TANC2: variants seen among roughly 807,000 people sequenced by gnomAD.
The protein encoded by TANC2 is tetratricopeptide repeat, ankyrin repeat and coiled-coil containing 2, also known as protein TANC2.
Under a neutral mutation model 210.5 loss-of-function variants are expected in TANC2, and 26 were observed. That is an observed-to-expected ratio of 0.12 (90% confidence interval 0.09 to 0.17). The LOEUF (loss-of-function observed/expected upper bound fraction) is 0.17. TANC2 is among the 10% of genes least tolerant of loss of function. The pLI is 1.00. For synonymous variants in TANC2, 931 were observed against 967.1 expected, an observed-to-expected ratio of 0.96 and a Z score of 0.69; for missense variants, 2,129 against 2,608.9, an observed-to-expected ratio of 0.82 and a Z score of 4.01.
chr17:63,075,235 T>C (rs1031025749), intron 3 of TANC2, among the ~76,000 whole-genome samples: 5 of 152,198 alleles, frequency 3.3e-5, no homozygotes, highest in African/African-American at 1.2e-4. Flanking sequence ...ATTGTAATTA[T>C]TAAATGTCAA....
intron 2 of TANC2, among the ~76,000 whole-genome samples, chr17:63,012,890 A>G (rs2033936087): frequency 6.6e-6 from 1 of 152,064 alleles, no homozygotes. Context: ...CCTAGCCTCA[A>G]GTGATCTTCC....
chr17:63,002,061 G>C (rs2033411621), intron 1 of TANC2, among the ~76,000 whole-genome samples: 1 of 152,156 alleles, frequency 6.6e-6, no homozygotes, highest in Admixed American at 6.5e-5. Context: ...AGGTATATAA[G>C]ATGTCTTTTG....
intron 9 of TANC2, among the ~76,000 whole-genome samples, chr17:63,309,720 G>A (rs940330636): frequency 1.6e-4 from 25 of 151,964 alleles, no homozygotes; most frequent in Admixed American, 1.3e-4. Flanking sequence ...AACTAATTCC[G>A]GAAATTATTT....
intron 18 of TANC2, among the ~76,000 whole-genome samples, chr17:63,398,484 C>T (rs1281103586): frequency 6.6e-6 from 1 of 151,386 alleles, no homozygotes; most frequent in Non-Finnish European, 1.5e-5. Context: ...GAAAAACAGG[C>T]CCTCAGTTTT....
At chr17:63,105,602 A>C (rs1449642212) in intron 4 of TANC2, among the ~76,000 whole-genome samples, 2 of 151,796 alleles carry the variant, frequency 1.3e-5, no homozygotes, top group African/African-American at 4.9e-5. Flanking sequence ...AAGATTAAAT[A>C]AGATTTCTTA....
intron 2 of TANC2, among the ~76,000 whole-genome samples, chr17:63,043,880 A>G (rs1016976640): frequency 2.0e-5 from 3 of 152,142 alleles, no homozygotes; most frequent in African/African-American, 7.2e-5. Flanking sequence ...GGAAAAATAT[A>G]TTAAGTTTTC....
At chr17:63,142,806 C>A (rs1040115525) in intron 4 of TANC2, among the ~76,000 whole-genome samples, 2 of 152,096 alleles carry the variant, frequency 1.3e-5, no homozygotes, top group Non-Finnish European at 2.9e-5. Context: ...TTCTTAAAAT[C>A]ACCTTATAAT....
At chr17:63,422,405 TCACC>T (rs1194231845) in exon 28 of TANC2, 1 of 174,562 alleles carries the variant, frequency 5.7e-6, no homozygotes, top group Non-Finnish European at 1.2e-5. Flanking sequence ...TTAGCCAGTG[TCACC>T]CACACAGCCA....
At chr17:63,073,213 TATTA>T (rs752230563) in intron 2 of TANC2, among the ~76,000 whole-genome samples, 41 of 152,088 alleles carry the variant, frequency 2.7e-4, no homozygotes, top group African/African-American at 8.0e-4. Context: ...ATTCTTAATA[TATTA>T]ATTTCTGTTT....
At chr17:63,103,475 A>T (rs183823563) in intron 4 of TANC2, among the ~76,000 whole-genome samples, 1 of 152,282 alleles carries the variant, frequency 6.6e-6, no homozygotes, top group African/African-American at 2.4e-5. Flanking sequence ...TGTTCAAGAG[A>T]GACATAGACT....
intron 15 of TANC2, among the ~76,000 whole-genome samples, chr17:63,380,343 T>A (rs1353267754): frequency 6.6e-6 from 1 of 152,218 alleles, no homozygotes; most frequent in Non-Finnish European, 1.5e-5. Context: ...TTAAGAACTC[T>A]ATAACATCAG....
chr17:63,426,581 AGT>A (rs1358452181), exon 28 of TANC2: 1 of 152,226 alleles, frequency 6.6e-6, no homozygotes, highest in African/African-American at 2.4e-5. Flanking sequence ...TGGTGGCCAC[AGT>A]CAGAGCTTTG....
chr17:63,023,834 G>A (rs2034445389), intron 2 of TANC2, among the ~76,000 whole-genome samples: 1 of 152,176 alleles, frequency 6.6e-6, no homozygotes, highest in Non-Finnish European at 1.5e-5. Context: ...ACTGGAGAGT[G>A]AACTAAGTGC....
chr17:63,336,138 T>C (rs1403868411), intron 11 of TANC2, among the ~76,000 whole-genome samples: 1 of 152,092 alleles, frequency 6.6e-6, no homozygotes, highest in Non-Finnish European at 1.5e-5. Flanking sequence ...CCCAAAAATA[T>C]TAAAAATCAA....
chr17:62,983,138 G>A (rs959138609), intron 1 of TANC2, among the ~76,000 whole-genome samples: 3 of 151,902 alleles, frequency 2.0e-5, no homozygotes, highest in African/African-American at 4.8e-5. Context: ...TCAGTATTTC[G>A]TAGTTTTTCT....
intron 7 of TANC2, among the ~76,000 whole-genome samples, chr17:63,237,414 A>G (rs569359971): frequency 2.0e-5 from 3 of 152,216 alleles, no homozygotes; most frequent in African/African-American, 7.2e-5. Context: ...CCCATTCTGC[A>G]GGTTCTTTTC....
At chr17:63,340,543 A>T (rs1332141633) in intron 12 of TANC2, among the ~76,000 whole-genome samples, 1 of 152,082 alleles carries the variant, frequency 6.6e-6, no homozygotes, top group African/African-American at 2.4e-5. Flanking sequence ...CTTTATAAAA[A>T]TTCTTATTCT....
intron 5 of TANC2, among the ~76,000 whole-genome samples, chr17:63,166,688 G>T (rs2145529191): frequency 6.6e-6 from 1 of 152,324 alleles, no homozygotes; most frequent in East Asian, 1.9e-4. Context: ...TAATGGAGAA[G>T]AACCCTGTAA....
intron 4 of TANC2, chr17:63,125,188 C>T (rs2038659239): frequency 6.6e-6 from 1 of 152,174 alleles, no homozygotes; most frequent in Non-Finnish European, 1.5e-5. Context: ...TATAACTTCT[C>T]TGTGCTTCAG....
Sources: allele counts gnomAD v4.1 joint callset (sites outside exome capture counted in the v4.1 genomes callset), GRCh38; gene constraint gnomAD v4.1.1; transcripts MANE v1.5; gene names NCBI Gene and HGNC (gene_info 2026-07-23, HGNC 2026-07-21).